CAMKMT: variants seen among roughly 807,000 people sequenced by gnomAD.
CAMKMT encodes CaM KMT.
Under a neutral mutation model 48.0 loss-of-function variants are expected in CAMKMT, and 53 were observed. The ratio of observed to expected loss-of-function variants is 1.10; its 90% CI spans 0.89 to 1.39. The LOEUF is 1.39. Ranked by LOEUF, CAMKMT falls within the 40% of genes most tolerant of loss-of-function variation. The pLI is 0.00. For missense variants in CAMKMT, 428 were observed against 402.7 expected (o/e 1.06, Z -0.54); for synonymous variants, 165 against 152.3 (o/e 1.08, Z -0.61).
intron 2 of CAMKMT, among the ~76,000 whole-genome samples, chr2:44,375,405 C>T (rs1026105721): frequency 8.0e-5 from 12 of 150,920 alleles, no homozygotes; most frequent in Non-Finnish European, 1.5e-4. Context: ...TATAAATATA[C>T]AATACTATGC....
chr2:44,639,340 T>C (rs531189977), intron 3 of CAMKMT, among the ~76,000 whole-genome samples: 91 of 152,332 alleles, frequency 6.0e-4, no homozygotes, highest in African/African-American at 2.2e-3. Context: ...TCTTTCAGAT[T>C]TCCTGGGGGG....
chr2:44,650,395 A>G (rs1673992889), intron 3 of CAMKMT, among the ~76,000 whole-genome samples: 1 of 152,042 alleles, frequency 6.6e-6, no homozygotes, highest in African/African-American at 2.4e-5. Flanking sequence ...ATCTGCAGTG[A>G]CCCTGTTTCC....
intron 1 of CAMKMT, among the ~76,000 whole-genome samples, chr2:44,365,532 A>G (rs974827880): frequency 6.6e-6 from 1 of 152,190 alleles, no homozygotes; most frequent in Non-Finnish European, 1.5e-5. Context: ...GGCCACTGGC[A>G]ACTCCGGGCT....
intron 3 of CAMKMT, among the ~76,000 whole-genome samples, chr2:44,654,536 A>G (rs996034852): frequency 6.6e-6 from 1 of 152,138 alleles, no homozygotes; most frequent in African/African-American, 2.4e-5. Flanking sequence ...TTTGTGAAAC[A>G]GAGTCTCACT....
At chr2:44,571,401 T>C (rs1472969342) in intron 3 of CAMKMT, among the ~76,000 whole-genome samples, 3 of 152,216 alleles carry the variant, frequency 2.0e-5, no homozygotes, top group Non-Finnish European at 4.4e-5. Context: ...GGTTTTAATA[T>C]GTGTTGAAGT....
intron 3 of CAMKMT, among the ~76,000 whole-genome samples, chr2:44,397,210 C>T (rs745314952): frequency 2.6e-5 from 4 of 152,244 alleles, no homozygotes; most frequent in Non-Finnish European, 4.4e-5. Context: ...TTAACCCTTT[C>T]TTAGGTTGGG....
chr2:44,768,342 G>GATATATATATATATATATATATATATAT (rs35422115), intron 10 of CAMKMT, among the ~76,000 whole-genome samples: 4 of 111,462 alleles, frequency 3.6e-5, no homozygotes, highest in African/African-American at 1.5e-4. Flanking sequence ...GGGCGCCCAT[G>GATATATATATATATATATATATATATAT]ATATATATAT....
intron 3 of CAMKMT, among the ~76,000 whole-genome samples, chr2:44,611,908 G>T (rs1261728061): frequency 6.6e-6 from 1 of 151,982 alleles, no homozygotes; most frequent in African/African-American, 2.4e-5. Context: ...CAGAGCAAGA[G>T]CTCACTTATC....
intron 7 of CAMKMT, among the ~76,000 whole-genome samples, chr2:44,738,945 A>G (rs1176932454): frequency 6.6e-6 from 1 of 152,210 alleles, no homozygotes; most frequent in Non-Finnish European, 1.5e-5. Context: ...CTGCTCAAGC[A>G]GCCAGTATTA....
rs1682845099 is a variant in CAMKMT, at chr2:44,407,235, A to T, written c.376+16930A>T. On this transcript the variant is annotated intron_variant, in intron 3 of 10. Transcript: ENST00000378494. ...TTTTTTCAATAATTTTGCTCCCTTCACAGCTTTCAGCAGACTTTGCACCCC... is the reference window on the plus strand; with the variant it reads ...TTTTTTCAATAATTTTGCTCCCTTCTCAGCTTTCAGCAGACTTTGCACCCC... 2.0e-5 allele frequency among the ~76,000 whole-genome samples: 3 copies of T among 152,012 alleles called. No individual in the cohort carries two copies. In the South Asian group the frequency reaches 6.2e-4, roughly 31 times the overall value.
At chr2:44,576,289 T>G (rs372566849) in intron 3 of CAMKMT, among the ~76,000 whole-genome samples, 2 of 147,118 alleles carry the variant, frequency 1.4e-5, no homozygotes, top group Admixed American at 1.4e-4. Flanking sequence ...GATTGCGTCA[T>G]TGCACTCCAG....
intron 3 of CAMKMT, among the ~76,000 whole-genome samples, chr2:44,448,513 C>G (rs577045919): frequency 4.6e-5 from 7 of 152,134 alleles, no homozygotes; most frequent in African/African-American, 1.7e-4. Flanking sequence ...TTAAGTATTG[C>G]TTTCTTATTG....
At chr2:44,528,012 T>C (rs1558679937) in intron 3 of CAMKMT, among the ~76,000 whole-genome samples, 1 of 152,178 alleles carries the variant, frequency 6.6e-6, no homozygotes, top group African/African-American at 2.4e-5. Context: ...ACCTATTCGT[T>C]CCTTGTAGTT....
intron 3 of CAMKMT, chr2:44,549,620 A>G (rs1184004021): frequency 3.1e-6 from 2 of 654,448 alleles, no homozygotes; most frequent in Non-Finnish European, 5.5e-6. Context: ...TGCAGCCTCA[A>G]ACTCCTGAAC....
At chr2:44,744,718 T>C (rs944259605) in intron 8 of CAMKMT, among the ~76,000 whole-genome samples, 6 of 152,170 alleles carry the variant, frequency 3.9e-5, no homozygotes, top group Non-Finnish European at 7.4e-5. Context: ...TTTGTTATTA[T>C]TATTATTTTA....
chr2:44,408,651 T>G (rs1287094402), intron 3 of CAMKMT, among the ~76,000 whole-genome samples: 1 of 152,164 alleles, frequency 6.6e-6, no homozygotes, highest in Non-Finnish European at 1.5e-5. Context: ...TCATTTTGTT[T>G]TATTACTCTG....
At chr2:44,624,195 T>G (rs772214619) in intron 3 of CAMKMT, among the ~76,000 whole-genome samples, 1 of 152,220 alleles carries the variant, frequency 6.6e-6, no homozygotes, top group East Asian at 1.9e-4. Flanking sequence ...AGCTGGAAGC[T>G]ATTGTGAATC....
chr2:44,734,468 G>T (rs1679252481), intron 7 of CAMKMT, among the ~76,000 whole-genome samples: 1 of 151,782 alleles, frequency 6.6e-6, no homozygotes, highest in African/African-American at 2.4e-5. Flanking sequence ...AGGCTGGAGT[G>T]CAATGGTGCA....
chr2:44,765,125 G>A (rs924206094), intron 9 of CAMKMT, among the ~76,000 whole-genome samples: 3 of 152,158 alleles, frequency 2.0e-5, no homozygotes, highest in African/African-American at 7.2e-5. Flanking sequence ...CTACTCAGGA[G>A]GCTGAGGCAA....
Sources: gnomAD v4.1 joint callset for allele counts (sites outside exome capture counted in the v4.1 genomes callset) on GRCh38, gnomAD v4.1.1 for gene constraint, MANE v1.5 for transcripts, NCBI Gene and HGNC (gene_info 2026-07-23, HGNC 2026-07-21) for gene names.